The following CACNA1A variants were observed in gnomAD, a reference collection of about 807,000 sequenced individuals.
CACNA1A encodes the protein voltage-dependent P/Q-type calcium channel subunit alpha-1A.
A neutral mutation model predicts 262.4 loss-of-function variants in CACNA1A; 57 were observed. The observed-to-expected ratio is 0.22, with a 90% confidence interval of 0.18 to 0.27. CACNA1A has a LOEUF of 0.27. Among genes scored for constraint, CACNA1A ranks in the 10% least tolerant of loss-of-function variants. The pLI, the probability that CACNA1A is intolerant of heterozygous loss-of-function variation, is 1.00. For synonymous variants in CACNA1A, 1,431 were observed against 1,419.3 expected (o/e 1.01, Z -0.18); for missense variants, 2,526 against 3,562.8 (o/e 0.71, Z 7.41).
chr19:13,296,004 T>G (rs1404108376), intron 19 of CACNA1A, among the ~76,000 whole-genome samples: 1 of 152,204 alleles, frequency 6.6e-6, no homozygotes, highest in Non-Finnish European at 1.5e-5. Context: ...TGGTTTGAAT[T>G]GTCCACACAA....
In CACNA1A at chr19:13,286,525, G is replaced by C. The variant is rs184723350; in HGVS notation, c.3531C>G (p.Pro1177=). The C allele has an allele frequency of 1.0e-4, 156 of 1,492,088 alleles. No individual in the cohort carries two copies. Among genetic ancestry groups the C allele is most frequent in the African/African-American group, 1.0e-3 (71 of 71,190 alleles). 92.4% of individuals were successfully genotyped at this position (1,492,088 alleles called of 1,614,324 possible). Residue 1177 remains proline, a synonymous_variant, in exon 20 of 47, where the codon CCC becomes CCG. Coordinates refer to ENST00000360228, the MANE Select transcript of CACNA1A (RefSeq NM_001127222.2). ...TVDIPPACPP[P]LNHTVVQVNK... The stretch of plus-strand genomic sequence containing the variant: ...CACCTTGTACGACGGTGTGGTTGAG[G>C]GGGGGTGGGCAGGCTGGGGGGATGT...
chr19:13,492,841 T>C (rs947950818), intron 1 of CACNA1A, among the ~76,000 whole-genome samples: 8 of 152,100 alleles, frequency 5.3e-5, no homozygotes, highest in Non-Finnish European at 1.0e-4. Context: ...AGTCAACATT[T>C]ATGAATGAAT....
chr19:13,352,130 T>C lies in CACNA1A; in HGVS notation c.978+7476A>G, dbSNP rs1423176503. Among the ~76,000 whole-genome samples the C allele has an allele frequency of 2.0e-5, 3 of 152,152 alleles. No individual in the cohort carries two copies. The East Asian group carries it at 5.8e-4, about 29-fold the overall frequency. Reference sequence around the variant, plus strand: ...TTCTTCTTTCTCCCCGCTAACCATTTAGCAAGACAAGTTTAATTGGCTCAA... The same window carrying C: ...TTCTTCTTTCTCCCCGCTAACCATTCAGCAAGACAAGTTTAATTGGCTCAA... On this transcript the variant is annotated intron_variant, in intron 6 of 46. Coordinates refer to ENST00000360228, the MANE Select transcript of CACNA1A (RefSeq NM_001127222.2).
intron 17 of CACNA1A, among the ~76,000 whole-genome samples, chr19:13,303,063 G>T (rs1600281679): frequency 6.6e-6 from 1 of 152,278 alleles, no homozygotes; most frequent in Non-Finnish European, 1.5e-5. Context: ...CCAGCGGGAA[G>T]CCAGAGGAAG....
At chr19:13,495,230 C>T (rs1981356414) in intron 1 of CACNA1A, among the ~76,000 whole-genome samples, 1 of 152,138 alleles carries the variant, frequency 6.6e-6, no homozygotes, top group Admixed American at 6.5e-5. Flanking sequence ...GTGAGGAAGG[C>T]AAATCACTGT....
At chr19:13,407,817 T>C (rs1457991937) in intron 3 of CACNA1A, among the ~76,000 whole-genome samples, 1 of 148,294 alleles carries the variant, frequency 6.7e-6, no homozygotes, top group Non-Finnish European at 1.5e-5. Flanking sequence ...ATGGTTTGGC[T>C]CTGTGTCCCC....
intron 3 of CACNA1A, among the ~76,000 whole-genome samples, chr19:13,400,710 G>A (rs971362547): frequency 3.3e-5 from 5 of 152,254 alleles, no homozygotes; most frequent in East Asian, 3.9e-4. Context: ...GGGCGCGGGC[G>A]CTACTGGCAT....
intron 6 of CACNA1A, among the ~76,000 whole-genome samples, chr19:13,353,312 T>G (rs887434408): frequency 1.3e-5 from 2 of 150,376 alleles, no homozygotes; most frequent in Non-Finnish European, 3.0e-5. Flanking sequence ...TTTTTTTTTT[T>G]GTAGAGATTG....
intron 24 of CACNA1A, among the ~76,000 whole-genome samples, chr19:13,267,441 C>T (rs2056890649): frequency 6.6e-6 from 1 of 152,148 alleles, no homozygotes; most frequent in Non-Finnish European, 1.5e-5. Flanking sequence ...CTAAGAAAGC[C>T]AAATTTCCAG....
In CACNA1A at chr19:13,207,304, C is replaced by T. The variant is rs1474153415; in HGVS notation, c.*9G>A. The T allele has an allele frequency of 7.8e-6, 12 of 1,547,352 alleles. No homozygotes were observed. Among genetic ancestry groups the T allele is most frequent in the African/African-American group, 2.8e-5 (2 of 71,974 alleles). On this transcript the variant is annotated 3_prime_UTR_variant, in exon 47 of 47. Coordinates refer to ENST00000360228, the MANE Select transcript of CACNA1A (RefSeq NM_001127222.2). This position sits in a 1 kb window ranked among gnomAD's most constrained non-coding sequence, Gnocchi z 5.7. The stretch of plus-strand genomic sequence containing the variant: ...GTGGGGGGCCGGGCGGGCGCCACCT[C>T]GCCCGGGCTTAGCACCAATCATCGT...
intron 12 of CACNA1A, among the ~76,000 whole-genome samples, chr19:13,311,386 C>T (rs765168482): frequency 1.3e-5 from 2 of 152,294 alleles, no homozygotes; most frequent in African/African-American, 2.4e-5. Context: ...GCATCACACC[C>T]GGCTTTCTTT....
chr19:13,318,239 T>C (rs2058166662), intron 10 of CACNA1A, among the ~76,000 whole-genome samples: 2 of 152,140 alleles, frequency 1.3e-5, no homozygotes, highest in Non-Finnish European at 2.9e-5. Flanking sequence ...TGTGTTGACT[T>C]GTCACTTTAG....
chr19:13,312,858 T>C (rs753240891), intron 11 of CACNA1A, 77 bp from the exon 12 acceptor site: 9 of 679,966 alleles, frequency 1.3e-5, no homozygotes, highest in African/African-American at 1.9e-5. Flanking sequence ...CTGACTTTCC[T>C]TTTATTATCA....
chr19:13,441,329 G>T (rs1471555106), intron 3 of CACNA1A, among the ~76,000 whole-genome samples: 1 of 151,478 alleles, frequency 6.6e-6, no homozygotes, highest in Non-Finnish European at 1.5e-5. Flanking sequence ...GAAGCAGCTG[G>T]GTTGCAAAGC....
At chr19:13,467,049 T>C (rs1188852626) in intron 1 of CACNA1A, among the ~76,000 whole-genome samples, 1 of 152,126 alleles carries the variant, frequency 6.6e-6, no homozygotes. Context: ...GGGAAGTTAA[T>C]GTTTTAATAA....
At chr19:13,393,606 TTTCC>T (rs1406123497) in intron 3 of CACNA1A, among the ~76,000 whole-genome samples, 6 of 136,250 alleles carry the variant, frequency 4.4e-5, no homozygotes, top group African/African-American at 1.1e-4. Flanking sequence ...CCCTCCCTAT[TTTCC>T]TTCCTTCCTT....
chr19:13,371,434 C>T (rs1487380904), intron 4 of CACNA1A: 4 of 480,758 alleles, frequency 8.3e-6, no homozygotes, highest in East Asian at 3.4e-5. Flanking sequence ...TGAGATCACA[C>T]GTGGTGCTTA....
At chr19:13,340,618 G>T (rs1352084872) in intron 6 of CACNA1A, among the ~76,000 whole-genome samples, 5 of 151,808 alleles carry the variant, frequency 3.3e-5, no homozygotes, top group Non-Finnish European at 7.4e-5. Context: ...GTAGAGGCGG[G>T]GTTTGACCAT....
At chr19:13,504,017 C>T (rs1323281869) in intron 1 of CACNA1A, among the ~76,000 whole-genome samples, 1 of 152,044 alleles carries the variant, frequency 6.6e-6, no homozygotes, top group Non-Finnish European at 1.5e-5. Context: ...AGAAGGGCTC[C>T]CCACCTCCTT....
Sources: gnomAD v4.1 joint callset for allele counts (sites outside exome capture counted in the v4.1 genomes callset) on GRCh38, gnomAD v4.1.1 for gene constraint, Gnocchi (gnomAD v3.1) non-coding constraint, MANE v1.5 for transcripts, NCBI Gene and HGNC (gene_info 2026-07-23, HGNC 2026-07-21) for gene names.